WDR25: variants seen among roughly 807,000 people sequenced by gnomAD.
WDR25 encodes WD repeat domain 25.
In WDR25, 35 loss-of-function variants were observed where a neutral mutation model predicts 47.7. That is an observed-to-expected ratio of 0.73 (90% CI 0.56 to 0.97). WDR25 has a LOEUF of 0.97. Ranked by LOEUF, WDR25 falls within the 50% of genes least tolerant of loss-of-function variation. WDR25 has a pLI of 0.00. For missense variants in WDR25, 634 were observed against 704.7 expected, an observed-to-expected ratio of 0.90 and a Z score of 1.14; for synonymous variants, 248 against 278.9, an observed-to-expected ratio of 0.89 and a Z score of 1.10.
intron 2 of WDR25, among the ~76,000 whole-genome samples, chr14:100,429,820 G>A (rs549866657): frequency 6.6e-6 from 1 of 152,140 alleles, no homozygotes; most frequent in Non-Finnish European, 1.5e-5. Flanking sequence ...TGGGGCGGTG[G>A]GGGCAGGGAA....
chr14:100,511,501 TG>T (rs1319113634), intron 4 of WDR25, among the ~76,000 whole-genome samples: 1 of 152,186 alleles, frequency 6.6e-6, no homozygotes, highest in Non-Finnish European at 1.5e-5. Flanking sequence ...TTTTCCAATC[TG>T]GACACTATCT....
rs766576595 is a variant in WDR25 at position 100,484,115 on chromosome 14, G to C, written c.1092G>C (p.Arg364Ser). 6.1e-5 allele frequency: 99 copies of C among 1,612,492 alleles called. No individual in the cohort carries two copies. Among genetic ancestry groups the C allele is most frequent in the Non-Finnish European group, 8.3e-5 (98 of 1,179,610 alleles). Residue 364 changes from arginine to serine, a missense_variant, in exon 4 of 7, where the codon AGG (arginine) becomes AGC (serine). Physicochemically the swap from Arg to Ser is moderately radical, Grantham distance 110. Transcript: ENST00000402312. ...FSSEMKAWDI[R>S]TGKVMRSYKA... ...CTGAAATGAAAGCTTGGGATATAAGGACTGGCAAGGTAATAGCCATATTCC... is the reference window on the plus strand; with the variant it reads ...CTGAAATGAAAGCTTGGGATATAAGCACTGGCAAGGTAATAGCCATATTCC...
chr14:100,479,385 C>G (rs1900126586), intron 3 of WDR25, among the ~76,000 whole-genome samples: 1 of 150,642 alleles, frequency 6.6e-6, no homozygotes, highest in South Asian at 2.1e-4. Flanking sequence ...TTATGTACCA[C>G]CTTGAGTTCC....
At chr14:100,417,527 C>A (rs768829820) in intron 2 of WDR25, among the ~76,000 whole-genome samples, 3 of 152,198 alleles carry the variant, frequency 2.0e-5, no homozygotes, top group African/African-American at 7.2e-5. Flanking sequence ...GCCACTCTTC[C>A]CTGGTGGCTC....
intron 2 of WDR25, among the ~76,000 whole-genome samples, chr14:100,418,946 G>A (rs1439906454): frequency 2.0e-5 from 3 of 151,928 alleles, no homozygotes; most frequent in Admixed American, 6.6e-5. Flanking sequence ...TAGGCCGGGC[G>A]TGGTGGCTCA....
At chr14:100,421,820 T>C (rs1044184664) in intron 2 of WDR25, among the ~76,000 whole-genome samples, 1 of 152,236 alleles carries the variant, frequency 6.6e-6, no homozygotes, top group Non-Finnish European at 1.5e-5. Context: ...TGTGGTTTTT[T>C]GCAATTTGCA....
At chr14:100,474,379 C>T (rs1399955543) in intron 3 of WDR25, among the ~76,000 whole-genome samples, 1 of 152,224 alleles carries the variant, frequency 6.6e-6, no homozygotes, top group Non-Finnish European at 1.5e-5. Context: ...ACAAACACAG[C>T]TCACGCCAGC....
rs1898970618 is a variant in WDR25 at position 100,449,989 on chromosome 14, A to G, written c.823-18032A>G. ...TAAACTGGGCATTCAGTGCGTCCAC[A>G]GTCCGGCGGCCCAGGCCTGCTCTCT... is the stretch of plus-strand genomic sequence containing the variant. On this transcript the variant is annotated intron_variant, in intron 2 of 6. Coordinates refer to ENST00000402312, the MANE Select transcript of WDR25 (RefSeq NM_001161476.3). The surrounding 1 kb of genome is among the most constrained non-coding windows in gnomAD (Gnocchi z 4.2). Among the ~76,000 whole-genome samples, 3 of 152,322 alleles carry G rather than the reference A, an allele frequency of 2.0e-5. No individual in the cohort carries two copies. The highest frequency in any genetic ancestry group is 6.8e-3 in the Middle Eastern group (2 of 294).
intron 2 of WDR25, among the ~76,000 whole-genome samples, chr14:100,420,481 A>G (rs1031141291): frequency 2.0e-5 from 3 of 152,150 alleles, no homozygotes; most frequent in Non-Finnish European, 4.4e-5. Flanking sequence ...TTTTTATTCC[A>G]GCAGGTTTTT....
intron 4 of WDR25, among the ~76,000 whole-genome samples, chr14:100,486,840 T>G (rs1051585490): frequency 6.6e-6 from 1 of 152,142 alleles, no homozygotes; most frequent in Non-Finnish European, 1.5e-5. Context: ...GGCCTTCCCT[T>G]TTAAATACAG....
chr14:100,414,660 T>C (rs993116003), intron 2 of WDR25, among the ~76,000 whole-genome samples: 2 of 152,110 alleles, frequency 1.3e-5, no homozygotes, highest in Admixed American at 1.3e-4. Flanking sequence ...TGGACATGTT[T>C]TCATCTCTCT....
intron 3 of WDR25, among the ~76,000 whole-genome samples, chr14:100,472,770 A>G (rs971315075): frequency 4.1e-4 from 63 of 152,164 alleles, no homozygotes; most frequent in African/African-American, 1.5e-3. Context: ...CCTCCTGGTA[A>G]TGGGACAACA....
At position 100,523,395 on chromosome 14, in the gene WDR25, G is replaced by T. The variant is rs1207842374; in HGVS notation, c.1102-2475G>T. Reference sequence around the variant, plus strand: ...CCCCACCCCCTGTCCTTCAGGTCTGGGTGCAGAGGACTGGCAGCATGGGGT... The same window carrying T: ...CCCCACCCCCTGTCCTTCAGGTCTGTGTGCAGAGGACTGGCAGCATGGGGT... On this transcript the variant is annotated intron_variant, in intron 4 of 6. Coordinates refer to ENST00000402312, the MANE Select transcript of WDR25 (RefSeq NM_001161476.3). The surrounding 1 kb of genome is among the most constrained non-coding windows in gnomAD (Gnocchi z 4.7). Among the ~76,000 whole-genome samples the T allele has an allele frequency of 7.2e-5, 11 of 152,162 alleles. No individual in the cohort carries two copies. The highest frequency in any genetic ancestry group is 1.6e-4 in the Non-Finnish European group (11 of 68,018).
chr14:100,491,589 G>C (rs1443845700), intron 4 of WDR25, among the ~76,000 whole-genome samples: 1 of 152,230 alleles, frequency 6.6e-6, no homozygotes, highest in Admixed American at 6.5e-5. Flanking sequence ...GTCGAGGTTC[G>C]TGTAAGCGCA....
intron 2 of WDR25, among the ~76,000 whole-genome samples, chr14:100,402,468 G>A (rs934887386): frequency 4.6e-5 from 7 of 152,150 alleles, no homozygotes; most frequent in African/African-American, 9.7e-5. Context: ...ATTGTCATAG[G>A]CAGGAACAAG....
intron 2 of WDR25, among the ~76,000 whole-genome samples, chr14:100,399,445 T>G (rs2140168026): frequency 6.6e-6 from 1 of 152,246 alleles, no homozygotes; most frequent in South Asian, 2.1e-4. Context: ...TTTTCGGTAC[T>G]TTTTTCACTA....
intron 2 of WDR25, chr14:100,454,583 C>A (rs577712192): frequency 3.8e-5 from 20 of 521,576 alleles, no homozygotes; most frequent in South Asian, 3.1e-4. Context: ...AGAGACTGGA[C>A]AGACGTCTAC....
chr14:100,481,989 G>A (rs1285468317), intron 3 of WDR25, among the ~76,000 whole-genome samples: 1 of 151,904 alleles, frequency 6.6e-6, no homozygotes, highest in African/African-American at 2.4e-5. Context: ...ACAATACATG[G>A]CTTTTTAGAT....
At chr14:100,508,099 G>A (rs769200332) in intron 4 of WDR25, among the ~76,000 whole-genome samples, 33 of 151,978 alleles carry the variant, frequency 2.2e-4, no homozygotes, top group Non-Finnish European at 3.7e-4. Flanking sequence ...TTCATTCCTC[G>A]GATGCAAAGT....
Sources: gnomAD v4.1 joint callset for allele counts (sites outside exome capture counted in the v4.1 genomes callset) on GRCh38, gnomAD v4.1.1 for gene constraint, Gnocchi (gnomAD v3.1) non-coding constraint, MANE v1.5 for transcripts, NCBI Gene and HGNC (gene_info 2026-07-23, HGNC 2026-07-21) for gene names.